SYDE1: variants seen among roughly 807,000 people sequenced by gnomAD.
The protein encoded by SYDE1 is synapse defective Rho GTPase activating protein 1.
In SYDE1, 34 loss-of-function variants were observed where a neutral mutation model predicts 63.3. That is an observed-to-expected ratio of 0.54 (90% CI 0.41 to 0.71). SYDE1 has a LOEUF of 0.71. SYDE1 is among the 30% of genes least tolerant of loss of function. The pLI is 0.00. For synonymous variants in SYDE1, 467 were observed against 473.4 expected (o/e 0.99, Z 0.18); for missense variants, 925 against 1,042.5 (o/e 0.89, Z 1.55).
rs1318570074 is a variant in SYDE1 at position 15,111,717 on chromosome 19, G to A, written c.1503G>A (p.Arg501=). 2 of 1,612,172 alleles carry A rather than the reference G, an allele frequency of 1.2e-6. No individual in the cohort carries two copies. The highest frequency in any genetic ancestry group is 2.2e-5 in the East Asian group (1 of 44,876). ...LYKVVLEAMA[R]DPPNRVPPTT... ...AGGTGGTACTGGAGGCCATGGCCCG[G>A]GACCCCCCAAACAGAGTTCCCCCCA... Residue 501 remains arginine, a synonymous_variant, in exon 6 of 8, where the codon CGG becomes CGA. Transcript: ENST00000342784. This position sits in a 1 kb window ranked among gnomAD's most constrained non-coding sequence, Gnocchi z 5.5.
In SYDE1 at chr19:15,109,146, G is replaced by T. The variant is rs1191543737; in HGVS notation, c.179G>T (p.Ser60Ile). 2 of 1,551,318 alleles carry T rather than the reference G, an allele frequency of 1.3e-6. No individual in the cohort carries two copies. Among genetic ancestry groups the T allele is most frequent in the Non-Finnish European group, 1.7e-6 (2 of 1,147,110 alleles). ...GSQAGAEGPSSPEASRSPARG... is the reference protein window; with the variant it reads ...GSQAGAEGPSIPEASRSPARG... The stretch of plus-strand genomic sequence containing the variant: ...CAGGCCGGAGCAGAGGGGCCCTCCA[G>T]CCCCGAGGCATCAAGGAGCCCTGCA... Residue 60 changes from serine (S) to isoleucine (I), a missense_variant, in exon 2 of 8, where the codon AGC becomes ATC. Physicochemically the swap from Ser to Ile is moderately radical, Grantham distance 142. Around this residue, in one of 3 missense-constraint regions of SYDE1, gnomAD observed 599 missense variants for 653.7 expected, o/e 0.92. Coordinates refer to ENST00000342784, the MANE Select transcript of SYDE1 (RefSeq NM_033025.6). This position sits in a 1 kb window ranked among gnomAD's most constrained non-coding sequence, Gnocchi z 5.0.
At position 15,109,740 on chromosome 19, in the gene SYDE1, G is replaced by A. The variant is rs774903086; in HGVS notation, c.467G>A (p.Arg156His). 7.8e-6 allele frequency: 12 copies of A among 1,532,268 alleles called. No individual in the cohort carries two copies. Among genetic ancestry groups the A allele is most frequent in the Admixed American group, 5.8e-5 (3 of 51,344 alleles). 94.9% of individuals were successfully genotyped at this position (1,532,268 alleles called of 1,614,324 possible). The part of the protein sequence containing the change: ...APASPPTKAS[R>H]TKSPGPARRL... ...GCCAGCCCCCCAACCAAAGCCTCCC[G>A]CACCAAGTCCCCGGGCCCCGCCAGG... The change falls in exon 3 of 8, where the codon CGC becomes CAC. Residue 156 changes from arginine to histidine, a missense_variant. Around this residue, in one of 3 missense-constraint regions of SYDE1, gnomAD observed 599 missense variants for 653.7 expected, o/e 0.92. Coordinates refer to ENST00000342784, the MANE Select transcript of SYDE1 (RefSeq NM_033025.6). The surrounding 1 kb of genome is among the most constrained non-coding windows in gnomAD (Gnocchi z 5.0).
rs762705035 is a variant in SYDE1, at chr19:15,110,257, C to T, written c.984C>T (p.Leu328=). The T allele has an allele frequency of 2.1e-6, 3 of 1,414,236 alleles. No homozygotes were observed. Among genetic ancestry groups the T allele is most frequent in the Non-Finnish European group, 2.8e-6 (3 of 1,087,514 alleles). 87.6% of individuals were successfully genotyped at this position (1,414,236 alleles called of 1,614,324 possible). ...ACCTGGAGCTGGAGGCCGCCAGGCT[C>T]CTGCGCGCCCTGGTGCTTGCGTGGG... The part of the protein sequence containing the change: ...TFHLELEAAR[L]LRALVLAWDP... Residue 328 remains leucine, a synonymous_variant, in exon 3 of 8, where the codon CTC becomes CTT. Transcript: ENST00000342784. This position sits in a 1 kb window ranked among gnomAD's most constrained non-coding sequence, Gnocchi z 6.9.
In SYDE1 at chr19:15,114,603, T is replaced by A. The variant is rs1381993309; in HGVS notation, c.*640T>A. 7.7e-6 allele frequency: 1 copy of A among 129,942 alleles called. No homozygotes were observed. Among genetic ancestry groups the A allele is most frequent in the African/African-American group, 2.8e-5 (1 of 35,118 alleles). 8.0% of individuals were successfully genotyped at this position (129,942 alleles called of 1,614,324 possible). A position where few individuals can be genotyped will look rare whatever the true frequency, so the allele number is the denominator to read the frequency against. On this transcript the variant is annotated 3_prime_UTR_variant, in exon 8 of 8. Transcript: ENST00000342784. ...AGATAACAGAGTCTGGCCTTTCCAA[T>A]CCCCATCTCCTTGCCCCCCCCTTGC...
At chr19:15,112,941 C>A (rs1432655794) in intron 7 of SYDE1, among the ~76,000 whole-genome samples, 2 of 152,036 alleles carry the variant, frequency 1.3e-5, no homozygotes, top group Middle Eastern at 3.2e-3. Flanking sequence ...GTCTTGCTCT[C>A]TAGCCCAGGC....
In SYDE1 at chr19:15,110,547, C is replaced by G. The variant is rs766257252; in HGVS notation, c.1102C>G (p.Arg368Gly). The G allele has an allele frequency of 3.1e-6, 5 of 1,592,180 alleles. No homozygotes were observed. The highest frequency in any genetic ancestry group is 4.3e-6 in the Non-Finnish European group (5 of 1,172,184). Reference sequence around the variant, plus strand: ...GTGCCAGGCCCAACAGCTGGCCGTGCGCCTGGAGCCTCAGGGGCTGCTGTA... The same window carrying G: ...GTGCCAGGCCCAACAGCTGGCCGTGGGCCTGGAGCCTCAGGGGCTGCTGTA... ...RGCQAQQLAVRLEPQGLLYAK... is the reference protein window; with the variant it reads ...RGCQAQQLAVGLEPQGLLYAK... Residue 368 changes from arginine (R) to glycine (G), a missense_variant, in exon 4 of 8, where the codon CGC (arginine) becomes GGC (glycine). Around this residue, in one of 3 missense-constraint regions of SYDE1, gnomAD observed 599 missense variants for 653.7 expected, o/e 0.92. Transcript: ENST00000342784. The surrounding 1 kb of genome is among the most constrained non-coding windows in gnomAD (Gnocchi z 6.9).
Position 15,109,774 on chromosome 19 carries a change from C to T in SYDE1, c.501C>T (p.Ser167=). 1.3e-6 allele frequency: 2 copies of T among 1,540,754 alleles called. No homozygotes were observed. Residue 167 remains serine, a synonymous_variant, in exon 3 of 8, where the codon TCC becomes TCT. Coordinates refer to ENST00000342784, the MANE Select transcript of SYDE1 (RefSeq NM_033025.6). The surrounding 1 kb of genome is among the most constrained non-coding windows in gnomAD (Gnocchi z 5.0). ...CCCCGGGCCCCGCCAGGCGCCTCTC[C>T]ATAAAGATGAAGAAGCTGCCGGAAC... ...TKSPGPARRL[S]IKMKKLPELR...
Position 15,110,741 on chromosome 19 carries a change from C to T in SYDE1, c.1290+6C>T, listed in dbSNP as rs1458409894. On this transcript the variant is annotated splice_donor_region_variant and intron_variant, in intron 4 of 7. Transcript: ENST00000342784. The surrounding 1 kb of genome is among the most constrained non-coding windows in gnomAD (Gnocchi z 6.9). ...TCGAGCGCCGAGGGCTGCGGGTGAG[C>T]ACCCACCCCACCCCAACCCTCTGGC... 3 of 1,531,150 alleles carry T rather than the reference C, an allele frequency of 2.0e-6. No individual in the cohort carries two copies. The East Asian group carries it at 7.3e-5, about 37-fold the overall frequency. 94.8% of individuals were successfully genotyped at this position (1,531,150 alleles called of 1,614,324 possible). A position where few individuals can be genotyped will look rare whatever the true frequency, so the allele number is the denominator to read the frequency against.
chr19:15,110,415 G>A lies in SYDE1; in HGVS notation c.1075+67G>A, dbSNP rs2046337248. 1 of 1,457,358 alleles carries A rather than the reference G, an allele frequency of 6.9e-7. No individual in the cohort carries two copies. The highest frequency in any genetic ancestry group is 9.1e-7 in the Non-Finnish European group (1 of 1,101,864). The allele number at this position is 1,457,358 out of a possible 1,614,324, so 90.3% of individuals were successfully genotyped here. A position where few individuals can be genotyped will look rare whatever the true frequency, so the allele number is the denominator to read the frequency against. ...AAACCCCACCGCCACCCCCCGCAGA[G>A]TGCCTAGGGGGCTGGGCTCCGGGCG... On this transcript the variant is annotated intron_variant, in intron 3 of 7. Transcript: ENST00000342784. This position sits in a 1 kb window ranked among gnomAD's most constrained non-coding sequence, Gnocchi z 6.9.
chr19:15,109,695 T>C lies in SYDE1; in HGVS notation c.431-9T>C. ...GGTTCCTGGACCCTGAAGTCTGCTCTCCACACAGGTGCAGCCCCCGCCAGC... is the reference window on the plus strand; with the variant it reads ...GGTTCCTGGACCCTGAAGTCTGCTCCCCACACAGGTGCAGCCCCCGCCAGC... On this transcript the variant is annotated splice_polypyrimidine_tract_variant and intron_variant, in intron 2 of 7. Transcript: ENST00000342784. The surrounding 1 kb of genome is among the most constrained non-coding windows in gnomAD (Gnocchi z 5.0). 6.8e-7 allele frequency: 1 copy of C among 1,474,916 alleles called. No individual in the cohort carries two copies. Among genetic ancestry groups the C allele is most frequent in the Non-Finnish European group, 9.0e-7 (1 of 1,110,264 alleles). The allele number at this position is 1,474,916 out of a possible 1,614,324, so 91.4% of individuals were successfully genotyped here. A position where few individuals can be genotyped will look rare whatever the true frequency, so the allele number is the denominator to read the frequency against.
At position 15,110,213 on chromosome 19, in the gene SYDE1, C is replaced by A; in HGVS notation, c.940C>A (p.Arg314=). The A allele has an allele frequency of 7.1e-7, 1 of 1,417,152 alleles. No homozygotes were observed. Among genetic ancestry groups the A allele is most frequent in the Admixed American group, 3.1e-5 (1 of 31,830 alleles). 87.8% of individuals were successfully genotyped at this position (1,417,152 alleles called of 1,614,324 possible). Residue 314 remains arginine (R), a synonymous_variant, in exon 3 of 8, where the codon CGG becomes AGG. Coordinates refer to ENST00000342784, the MANE Select transcript of SYDE1 (RefSeq NM_033025.6). This position sits in a 1 kb window ranked among gnomAD's most constrained non-coding sequence, Gnocchi z 6.9. ...ACTGCGAGGGGGGCCGGACTTCCTG[C>A]GGCTGGACCACACCTTCCACCTGGA... ...GPLRGGPDFL[R]LDHTFHLELE... is the part of the protein sequence containing the mutation.
In SYDE1 at chr19:15,109,263, G is replaced by A. The variant is rs1157604838; in HGVS notation, c.296G>A (p.Gly99Glu). The stretch of plus-strand genomic sequence containing the variant: ...GCTGAGGACACCTCTTTAGGGCCTG[G>A]GGTACCTGGCACTGGGGAGCCCGCC... Reference protein sequence around the residue: ...KPAEDTSLGPGVPGTGEPAGE... With the variant: ...KPAEDTSLGPEVPGTGEPAGE... The change falls in exon 2 of 8, where the codon GGG becomes GAG. Residue 99 changes from glycine to glutamate, a missense_variant. Coordinates refer to ENST00000342784, the MANE Select transcript of SYDE1 (RefSeq NM_033025.6). This position sits in a 1 kb window ranked among gnomAD's most constrained non-coding sequence, Gnocchi z 5.0. 9 of 1,607,876 alleles carry A rather than the reference G, an allele frequency of 5.6e-6. No individual in the cohort carries two copies. The highest frequency in any genetic ancestry group is 1.3e-5 in the African/African-American group (1 of 74,844).
Position 15,109,142 on chromosome 19 carries a change from T to A in SYDE1, c.175T>A (p.Ser59Thr). The A allele has an allele frequency of 1.3e-6, 2 of 1,551,084 alleles. No individual in the cohort carries two copies. Among genetic ancestry groups the A allele is most frequent in the Non-Finnish European group, 1.7e-6 (2 of 1,146,954 alleles). Residue 59 changes from serine (S) to threonine (T), a missense_variant, in exon 2 of 8, where the codon TCC becomes ACC. Coordinates refer to ENST00000342784, the MANE Select transcript of SYDE1 (RefSeq NM_033025.6). This position sits in a 1 kb window ranked among gnomAD's most constrained non-coding sequence, Gnocchi z 5.0. ...GTCCCAGGCCGGAGCAGAGGGGCCCTCCAGCCCCGAGGCATCAAGGAGCCC... is the reference window on the plus strand; with the variant it reads ...GTCCCAGGCCGGAGCAGAGGGGCCCACCAGCCCCGAGGCATCAAGGAGCCC... ...EGSQAGAEGPSSPEASRSPAR... is the reference protein window; with the variant it reads ...EGSQAGAEGPTSPEASRSPAR...
rs1599322809 is a variant in SYDE1 at position 15,110,131 on chromosome 19, C to A, written c.858C>A (p.Pro286=). The A allele has an allele frequency of 1.4e-6, 2 of 1,407,654 alleles. No individual in the cohort carries two copies. The highest frequency in any genetic ancestry group is 3.0e-5 in the African/African-American group (2 of 66,174). 87.2% of individuals were successfully genotyped at this position (1,407,654 alleles called of 1,614,324 possible). The change falls in exon 3 of 8, where the codon CCC becomes CCA. Residue 286 remains proline (P), a synonymous_variant. Transcript: ENST00000342784. This position sits in a 1 kb window ranked among gnomAD's most constrained non-coding sequence, Gnocchi z 6.9. ...TGCGGCCAGCGCCGGGGGCCACCCC[C>A]AGGGACCTCTGCTGCCTACTGCAAG... ...GGLRPAPGAT[P]RDLCCLLQVD... is the part of the protein sequence containing the mutation.
Position 15,110,143 on chromosome 19 carries a change from C to T in SYDE1, c.870C>T (p.Cys290=), listed in dbSNP as rs962157653. The T allele has an allele frequency of 5.0e-6, 7 of 1,408,970 alleles. No individual in the cohort carries two copies. Among genetic ancestry groups the T allele is most frequent in the African/African-American group, 4.5e-5 (3 of 66,230 alleles). 87.3% of individuals were successfully genotyped at this position (1,408,970 alleles called of 1,614,324 possible). A position where few individuals can be genotyped will look rare whatever the true frequency, so the allele number is the denominator to read the frequency against. The change falls in exon 3 of 8, where the codon TGC becomes TGT. Residue 290 remains cysteine, a synonymous_variant. Transcript: ENST00000342784. The surrounding 1 kb of genome is among the most constrained non-coding windows in gnomAD (Gnocchi z 6.9). ...CGGGGGCCACCCCCAGGGACCTCTGCTGCCTACTGCAAGTGGATGGGGAGG... is the reference window on the plus strand; with the variant it reads ...CGGGGGCCACCCCCAGGGACCTCTGTTGCCTACTGCAAGTGGATGGGGAGG... ...PAPGATPRDL[C]CLLQVDGEAR... is the part of the protein sequence containing the mutation.
chr19:15,109,307 C>G lies in SYDE1; in HGVS notation c.340C>G (p.Pro114Ala), dbSNP rs576082354. ...GEPAGEIWYN[P>A]IPEEDPRPPA... ...GCCCGCCGGCGAGATCTGGTACAAC[C>G]CCATCCCTGAGGAAGACCCCAGACC... is the stretch of plus-strand genomic sequence containing the variant. Residue 114 changes from proline (P) to alanine (A), a missense_variant, in exon 2 of 8, where the codon CCC (proline) becomes GCC (alanine). This residue lies in a region of SYDE1 where 599 missense variants were observed against 653.7 expected (regional missense o/e 0.92). Coordinates refer to ENST00000342784, the MANE Select transcript of SYDE1 (RefSeq NM_033025.6). This position sits in a 1 kb window ranked among gnomAD's most constrained non-coding sequence, Gnocchi z 5.0. The G allele has an allele frequency of 5.6e-6, 9 of 1,613,284 alleles. No individual in the cohort carries two copies. In the East Asian group the frequency reaches 2.0e-4, roughly 36 times the overall value.
At position 15,112,363 on chromosome 19, in the gene SYDE1, C is replaced by G. The variant is rs967706026; in HGVS notation, c.1596C>G (p.Leu532=). 9 of 1,575,446 alleles carry G rather than the reference C, an allele frequency of 5.7e-6. No homozygotes were observed. The African/African-American group carries it at 1.1e-4, about 19-fold the overall frequency. Residue 532 remains leucine (L), a synonymous_variant, in exon 7 of 8, where the codon CTC becomes CTG. Transcript: ENST00000342784. ...TCTCCCAGGCCACGCTGACGCTTCT[C>G]CTGGACCACCTGCGCCTCGTCTCCT... ...PDVERATLTL[L]LDHLRLVSSF... is the part of the protein sequence containing the mutation.
chr19:15,109,714 C>G lies in SYDE1; in HGVS notation c.441C>G (p.Pro147=). ...CTGCTCTCCACACAGGTGCAGCCCC[C>G]GCCAGCCCCCCAACCAAAGCCTCCC... ...SEGLAPQGAA[P]ASPPTKASRT... The change falls in exon 3 of 8, where the codon CCC becomes CCG. Residue 147 remains proline, a synonymous_variant. Transcript: ENST00000342784. This position sits in a 1 kb window ranked among gnomAD's most constrained non-coding sequence, Gnocchi z 5.0. 1 of 1,509,972 alleles carries G rather than the reference C, an allele frequency of 6.6e-7. No individual in the cohort carries two copies. Among genetic ancestry groups the G allele is most frequent in the Non-Finnish European group, 8.9e-7 (1 of 1,127,694 alleles). 93.5% of individuals were successfully genotyped at this position (1,509,972 alleles called of 1,614,324 possible).
At position 15,109,785 on chromosome 19, in the gene SYDE1, A is replaced by G; in HGVS notation, c.512A>G (p.Lys171Arg). The change falls in exon 3 of 8, where the codon AAG (lysine) becomes AGG (arginine). Residue 171 changes from lysine to arginine, a missense_variant. Lys to Arg is a conservative substitution (Grantham distance 26). This residue lies in a region of SYDE1 where 599 missense variants were observed against 653.7 expected (regional missense o/e 0.92). Transcript: ENST00000342784. This position sits in a 1 kb window ranked among gnomAD's most constrained non-coding sequence, Gnocchi z 5.0. ...GCCAGGCGCCTCTCCATAAAGATGA[A>G]GAAGCTGCCGGAACTGCGGCGCCGC... ...GPARRLSIKMKKLPELRRRLS... is the reference protein window; with the variant it reads ...GPARRLSIKMRKLPELRRRLS... 1 of 1,538,654 alleles carries G rather than the reference A, an allele frequency of 6.5e-7. No homozygotes were observed. The highest frequency in any genetic ancestry group is 1.8e-4 in the Middle Eastern group (1 of 5,442).
Sources: gnomAD v4.1 joint callset for allele counts (sites outside exome capture counted in the v4.1 genomes callset) on GRCh38, gnomAD v4.1.1 for gene constraint, gnomAD v4.1.1 regional missense constraint, Gnocchi (gnomAD v3.1) non-coding constraint, MANE v1.5 for transcripts, NCBI Gene and HGNC (gene_info 2026-07-23, HGNC 2026-07-21) for gene names.